JAG1: variants seen among roughly 807,000 people sequenced by gnomAD.
JAG1 encodes the protein jagged canonical Notch ligand 1, also known as protein jagged-1.
JAG1 carries 23 observed loss-of-function variants against 148.7 expected under a neutral mutation model. The ratio of observed to expected loss-of-function variants is 0.15; its 90% CI spans 0.11 to 0.22. JAG1 has a LOEUF of 0.22. Among genes scored for constraint, JAG1 ranks in the 10% least tolerant of loss-of-function variants. JAG1 has a pLI of 1.00. For synonymous variants in JAG1, 572 were observed against 598.3 expected (o/e 0.96, Z 0.64); for missense variants, 1,054 against 1,611.2 (o/e 0.65, Z 5.92).
intron 18 of JAG1, 27 bp from the exon 19 acceptor site, chr20:10,644,411 G>A: frequency 6.2e-7 from 1 of 1,603,734 alleles, no homozygotes; most frequent in Non-Finnish European, 8.5e-7. Context: ...ACTTAATAGT[G>A]AGGACTTCAA....
chr20:10,649,816 T>C, intron 9 of JAG1, 181 bp from the exon 10 acceptor site: 1 of 634,270 alleles, frequency 1.6e-6, no homozygotes, highest in Non-Finnish European at 2.8e-6. Context: ...CTAGCTATTA[T>C]CCAATAAGAA....
rs565629028 is a variant in JAG1, at chr20:10,643,447, G to A, written c.2458+331C>T. On this transcript the variant is annotated intron_variant, in intron 20 of 25. Transcript: ENST00000254958. ...TTTATCCTATACCAGTGTAGCTGTG[G>A]TTAACATCTGCTTGCCCATAATTTC... 1.1e-4 allele frequency among the ~76,000 whole-genome samples: 17 copies of A among 152,246 alleles called. No individual in the cohort carries two copies. The East Asian group carries it at 3.3e-3, about 29-fold the overall frequency.
chr20:10,644,288 A>T (rs934228296), intron 19 of JAG1, 69 bp downstream of exon 19: 102 of 1,013,908 alleles, frequency 1.0e-4, no homozygotes, highest in African/African-American at 6.4e-4. Flanking sequence ...ACACACACAC[A>T]CACACACACA....
intron 3 of JAG1, among the ~76,000 whole-genome samples, chr20:10,660,908 A>G (rs1465717058): frequency 1.3e-5 from 2 of 152,206 alleles, no homozygotes; most frequent in Non-Finnish European, 2.9e-5. Context: ...TCGCAGGCCA[A>G]GGAGGAGGTG....
intron 3 of JAG1, among the ~76,000 whole-genome samples, chr20:10,661,227 G>A (rs1301797138): frequency 2.0e-5 from 3 of 152,160 alleles, no homozygotes; most frequent in African/African-American, 7.2e-5. Context: ...GAGTCTGCCT[G>A]TGAGGGCTCA....
chr20:10,651,756 C>T lies in JAG1; in HGVS notation c.1007-62G>A, dbSNP rs907562947. Reference sequence around the variant, plus strand: ...TGCACACCGTTACCTCCCCACACCCCCCTCCAACCGAATCCCACACCACAG... The same window carrying T: ...TGCACACCGTTACCTCCCCACACCCTCCTCCAACCGAATCCCACACCACAG... On this transcript the variant is annotated intron_variant, in intron 7 of 25. Transcript: ENST00000254958. The T allele has an allele frequency of 2.4e-5, 25 of 1,040,856 alleles. No individual in the cohort carries two copies. In the Admixed American group the frequency reaches 3.2e-4, roughly 13 times the overall value. 64.5% of individuals were successfully genotyped at this position (1,040,856 alleles called of 1,614,324 possible).
At chr20:10,661,108 T>C (rs528023242) in intron 3 of JAG1, among the ~76,000 whole-genome samples, 1 of 152,204 alleles carries the variant, frequency 6.6e-6, no homozygotes, top group South Asian at 2.1e-4. Context: ...TGGAACTCTA[T>C]ATACCACAGT....
chr20:10,643,410 G>A (rs747880370), intron 20 of JAG1, among the ~76,000 whole-genome samples: 8 of 152,130 alleles, frequency 5.3e-5, no homozygotes, highest in Non-Finnish European at 1.0e-4. Flanking sequence ...CCTCCCTTCC[G>A]TTTGTATTAG....
At chr20:10,640,977 A>C in intron 24 of JAG1, 44 bp from the exon 25 acceptor site, 1 of 1,613,192 alleles carries the variant, frequency 6.2e-7, no homozygotes, top group Non-Finnish European at 8.5e-7. Context: ...GGAATACTCA[A>C]AGCAGCCTTT....
rs1424822533 is a variant in JAG1, at chr20:10,672,898, G to C, written c.190C>G (p.Arg64Gly). 1.9e-6 allele frequency: 3 copies of C among 1,613,204 alleles called. No individual in the cohort carries two copies. The highest frequency in any genetic ancestry group is 4.5e-5 in the East Asian group (2 of 44,864). The change falls in exon 2 of 26, where the codon CGC becomes GGC. Residue 64 changes from arginine (R) to glycine (G), a missense_variant. This residue lies in a region of JAG1 where 151 missense variants were observed against 211.1 expected (regional missense o/e 0.72). Transcript: ENST00000254958. ...CCGGARNPGDRKCTRDECDTY... is the reference protein window; with the variant it reads ...CCGGARNPGDGKCTRDECDTY... ...TCACACTCGTCGCGGGTGCACTTGC[G>C]GTCTCCCGGGTTCCGGGCGCCGCCG...
chr20:10,643,313 G>A (rs754140382), intron 20 of JAG1, among the ~76,000 whole-genome samples: 3 of 152,140 alleles, frequency 2.0e-5, no homozygotes, highest in Admixed American at 1.3e-4. Context: ...GAAAAACTGC[G>A]TTGCCTGCCC....
In JAG1 at chr20:10,641,793, G is replaced by A. The variant is rs2067274084; in HGVS notation, c.2672C>T (p.Ala891Val). 13 of 1,613,562 alleles carry A rather than the reference G, an allele frequency of 8.1e-6. No homozygotes were observed. The Admixed American group carries it at 2.2e-4, about 27-fold the overall frequency. Reference protein sequence around the residue: ...NTCQCLNGRIACSKVWCGPRP... With the variant: ...NTCQCLNGRIVCSKVWCGPRP... Reference sequence around the variant, plus strand: ...GCCATCATGTCCTACCTTTGAGCAGGCGATCCGTCCATTCAGGCACTGGCA... The same window carrying A: ...GCCATCATGTCCTACCTTTGAGCAGACGATCCGTCCATTCAGGCACTGGCA... Residue 891 changes from alanine to valine, a missense_variant, in exon 22 of 26, where the codon GCC (alanine) becomes GTC (valine). Physicochemically the swap from Ala to Val is moderately conservative, Grantham distance 64. Coordinates refer to ENST00000254958, the MANE Select transcript of JAG1 (RefSeq NM_000214.3).
chr20:10,672,783 A>T lies in JAG1; in HGVS notation c.305T>A (p.Ile102Asn). Residue 102 changes from isoleucine to asparagine, a missense_variant, in exon 2 of 26, where the codon ATC (isoleucine) becomes AAC (asparagine). Transcript: ENST00000254958. ...CTTGAGGTTGAAGGTGTTGCCCCCG[A>T]TGACAGGCGTGGACCCTGAGCCGAA... ...CSFGSGSTPV[I>N]GGNTFNLKAS... 1 of 1,613,076 alleles carries T rather than the reference A, an allele frequency of 6.2e-7. No homozygotes were observed. The highest frequency in any genetic ancestry group is 8.5e-7 in the Non-Finnish European group (1 of 1,180,012).
In JAG1 at chr20:10,642,409, T is replaced by C. The variant is rs888103460; in HGVS notation, c.2572+79A>G. 6 of 818,406 alleles carry C rather than the reference T, an allele frequency of 7.3e-6. No individual in the cohort carries two copies. In the African/African-American group the frequency reaches 8.4e-5, roughly 11 times the overall value. 50.7% of individuals were successfully genotyped at this position (818,406 alleles called of 1,614,324 possible). ...TCCCTTCCCTGAGCACAGTGGCTTA[T>C]TTGTGAAAAGTCAAATGGTGACTGC... On this transcript the variant is annotated intron_variant, in intron 21 of 25. Coordinates refer to ENST00000254958, the MANE Select transcript of JAG1 (RefSeq NM_000214.3).
At chr20:10,653,675 C>T (rs1009184254) in intron 5 of JAG1, among the ~76,000 whole-genome samples, 4 of 152,046 alleles carry the variant, frequency 2.6e-5, no homozygotes, top group African/African-American at 9.7e-5. Context: ...CCCTAAGCTG[C>T]TCAGCTGTAA....
rs752608779 is a variant in JAG1 at position 10,672,739 on chromosome 20, G to C, written c.349C>G (p.Arg117Gly). ...FNLKASRGND[R>G]NRIVLPFSFA... ...CTGAAAGGCAGCACGATGCGGTTGC[G>C]GTCGTTGCCGCGGCTGGCCTTGAGG... Residue 117 changes from arginine to glycine, a missense_variant, in exon 2 of 26, where the codon CGC (arginine) becomes GGC (glycine). Physicochemically the swap from Arg to Gly is moderately radical, Grantham distance 125 (BLOSUM62 -2). Transcript: ENST00000254958. 12 of 1,613,068 alleles carry C rather than the reference G, an allele frequency of 7.4e-6. No homozygotes were observed. The highest frequency in any genetic ancestry group is 3.3e-4 in the Middle Eastern group (2 of 6,062).
At chr20:10,652,388 C>T (rs961993421) in intron 6 of JAG1, 80 bp downstream of exon 6, 1 of 1,600,264 alleles carries the variant, frequency 6.2e-7, no homozygotes, top group African/African-American at 1.3e-5. Flanking sequence ...AATAAAAGCC[C>T]CTGCCAATAA....
Position 10,650,257 on chromosome 20 carries a change from C to T in JAG1, c.1224G>A (p.Thr408=), listed in dbSNP as rs771839716. ...CVCPPQWTGK[T]CQLDANECEA... ...CAGGGATGTTCTTACCTAACTGGCA[C>T]GTTTTCCCAGTCCACTGTGGGGGGC... is the stretch of plus-strand genomic sequence containing the variant. Residue 408 remains threonine, a synonymous_variant, in exon 9 of 26, where the codon ACG becomes ACA. Coordinates refer to ENST00000254958, the MANE Select transcript of JAG1 (RefSeq NM_000214.3). 1.4e-5 allele frequency: 23 copies of T among 1,610,332 alleles called. No homozygotes were observed. The highest frequency in any genetic ancestry group is 1.7e-4 in the Middle Eastern group (1 of 6,056).
rs577307986 is a variant in JAG1 at position 10,641,138 on chromosome 20, G to T, written c.3023C>A (p.Ala1008Glu). 1.9e-6 allele frequency: 3 copies of T among 1,614,032 alleles called. No homozygotes were observed. The African/African-American group carries it at 4.0e-5, about 22-fold the overall frequency. The stretch of plus-strand genomic sequence containing the variant: ...AATGGCCACATGTATTTCATTGTTC[G>T]CTGAAGGGGAAGGCTCGCAAGCGAT... ...IYIACEPSPS[A>E]NNEIHVAISA... Residue 1008 changes from alanine to glutamate, a missense_variant, in exon 24 of 26, where the codon GCG becomes GAG. Around this residue, in one of 6 missense-constraint regions of JAG1, gnomAD observed 342 missense variants for 514.6 expected, o/e 0.66. Coordinates refer to ENST00000254958, the MANE Select transcript of JAG1 (RefSeq NM_000214.3).
Sources: allele counts gnomAD v4.1 joint callset (sites outside exome capture counted in the v4.1 genomes callset), GRCh38; gene constraint gnomAD v4.1.1; regional missense constraint gnomAD v4.1.1; transcripts MANE v1.5; gene names NCBI Gene and HGNC (gene_info 2026-07-23, HGNC 2026-07-21).